The following FHOD3 variants were observed in gnomAD, a reference collection of about 807,000 sequenced individuals.
FHOD3 encodes FH1/FH2 domain-containing protein 3.
A neutral mutation model predicts 173.0 loss-of-function variants in FHOD3; 90 were observed. The observed-to-expected ratio is 0.52, with a 90% CI of 0.44 to 0.62. The LOEUF is 0.62. Among genes scored for constraint, FHOD3 ranks in the 20% least tolerant of loss-of-function variants. The probability of loss-of-function intolerance (pLI) is 0.00; values close to 1 mark genes in which losing one functional copy is unlikely to be tolerated. For missense variants in FHOD3, 1,945 were observed against 2,034.7 expected (o/e 0.96, Z 0.85); for synonymous variants, 828 against 823.0 (o/e 1.01, Z -0.10).
intron 5 of FHOD3, among the ~76,000 whole-genome samples, chr18:36,551,713 A>G (rs1177899970): frequency 6.6e-6 from 1 of 152,186 alleles, no homozygotes; most frequent in East Asian, 1.9e-4. Flanking sequence ...CTTTCTGCAT[A>G]TGGCTAGCCA....
intron 3 of FHOD3, among the ~76,000 whole-genome samples, chr18:36,500,291 C>T (rs1199893295): frequency 6.6e-6 from 1 of 152,220 alleles, no homozygotes; most frequent in Non-Finnish European, 1.5e-5. Context: ...CAAGCAAATA[C>T]TGAGCTTTAC....
At chr18:36,555,310 T>G (rs2057830658) in intron 5 of FHOD3, among the ~76,000 whole-genome samples, 2 of 152,116 alleles carry the variant, frequency 1.3e-5, no homozygotes, top group South Asian at 4.1e-4. Context: ...TAGAAGTGTG[T>G]TACTTACAAA....
chr18:36,599,246 T>C (rs979364549), intron 7 of FHOD3, among the ~76,000 whole-genome samples: 1 of 152,340 alleles, frequency 6.6e-6, no homozygotes, highest in South Asian at 2.1e-4. Context: ...AGAGGATAAC[T>C]CATGTTGAAA....
intron 21 of FHOD3, among the ~76,000 whole-genome samples, chr18:36,742,158 G>C (rs2041932658): frequency 6.6e-6 from 1 of 152,154 alleles, no homozygotes; most frequent in South Asian, 2.1e-4. Flanking sequence ...CAGAATAACA[G>C]CAGTGAGGGT....
intron 5 of FHOD3, among the ~76,000 whole-genome samples, chr18:36,575,229 C>T (rs1474779361): frequency 6.6e-6 from 1 of 152,186 alleles, no homozygotes; most frequent in African/African-American, 2.4e-5. Context: ...CCTTGGCCTC[C>T]CAAAGTGTTG....
intron 14 of FHOD3, among the ~76,000 whole-genome samples, chr18:36,665,046 T>G (rs1356956447): frequency 6.6e-6 from 1 of 152,110 alleles, no homozygotes; most frequent in Non-Finnish European, 1.5e-5. Flanking sequence ...TGAGCTAAGG[T>G]CATGCCACTG....
chr18:36,487,359 G>A (rs992355660), intron 3 of FHOD3, among the ~76,000 whole-genome samples: 7 of 152,246 alleles, frequency 4.6e-5, no homozygotes, highest in South Asian at 2.1e-4. Flanking sequence ...CATGCAAAAC[G>A]TAGCCAAGAG....
rs1179605181 is a variant in FHOD3 at position 36,525,675 on chromosome 18, G to A, written c.511+13132G>A. 2.0e-5 allele frequency among the ~76,000 whole-genome samples: 3 copies of A among 152,296 alleles called. No homozygotes were observed. The South Asian group carries it at 6.2e-4, about 32-fold the overall frequency. ...GGGAATCAGGGAAGATATCATGAGG[G>A]CAGCAACCTTTTACTGTCTTTCTGG... is the stretch of plus-strand genomic sequence containing the variant. On this transcript the variant is annotated intron_variant, in intron 5 of 28. Transcript: ENST00000590592.
Position 36,430,943 on chromosome 18 carries a change from C to T in FHOD3, c.337+58199C>T, listed in dbSNP as rs1316312841. 3.9e-5 allele frequency among the ~76,000 whole-genome samples: 6 copies of T among 152,182 alleles called. No homozygotes were observed. The East Asian group carries it at 1.2e-3, about 29-fold the overall frequency. On this transcript the variant is annotated intron_variant, in intron 3 of 28. Coordinates refer to ENST00000590592, the MANE Select transcript of FHOD3 (RefSeq NM_001281740.3). ...GTTTTCATTAAAAAAAAATCAGTGT[C>T]CTCTGTCTAGAGGGCATACTCAATA...
chr18:36,347,021 G>A (rs1282048511), intron 1 of FHOD3, among the ~76,000 whole-genome samples: 2 of 152,200 alleles, frequency 1.3e-5, no homozygotes, highest in Non-Finnish European at 2.9e-5. Flanking sequence ...GCTGTTGGGT[G>A]ATCAGGACAC....
At chr18:36,771,736 G>T (rs1363229584) in intron 28 of FHOD3, among the ~76,000 whole-genome samples, 2 of 152,210 alleles carry the variant, frequency 1.3e-5, no homozygotes, top group Non-Finnish European at 2.9e-5. Context: ...GGCTCACCAT[G>T]GGGAGGAGCT....
At chr18:36,388,700 G>C (rs1012752340) in intron 3 of FHOD3, among the ~76,000 whole-genome samples, 6 of 152,134 alleles carry the variant, frequency 3.9e-5, no homozygotes, top group African/African-American at 1.4e-4. Context: ...GCAGAGCCCA[G>C]GCACACGTTG....
chr18:36,538,115 G>A (rs571443728), intron 5 of FHOD3, among the ~76,000 whole-genome samples: 27 of 152,282 alleles, frequency 1.8e-4, no homozygotes, highest in African/African-American at 5.8e-4. Flanking sequence ...CAAACAGGAA[G>A]TCTCCAGAGG....
intron 7 of FHOD3, 138 bp from the exon 8 acceptor site, chr18:36,602,536 A>G: frequency 1.4e-6 from 1 of 720,556 alleles, no homozygotes; most frequent in Non-Finnish European, 2.5e-6. Flanking sequence ...CATCCTAAGG[A>G]TAATGTCACA....
At chr18:36,425,864 G>A (rs1478141801) in intron 3 of FHOD3, among the ~76,000 whole-genome samples, 1 of 151,666 alleles carries the variant, frequency 6.6e-6, no homozygotes, top group Non-Finnish European at 1.5e-5. Context: ...ACTTTGTGCT[G>A]CAACTCTGGG....
rs374688382 is a variant in FHOD3 at position 36,717,960 on chromosome 18, G to C, written c.2662G>C (p.Gly888Arg). The change falls in exon 19 of 29, where the codon GGG becomes CGG. Residue 888 changes from glycine (G) to arginine (R), a missense_variant. Gly to Arg is a moderately radical substitution (Grantham distance 125). Transcript: ENST00000590592. ...NRKSPDDEEK[G>R]DGEAGRTQQE... ...GAAGTCTCCGGATGATGAGGAGAAG[G>C]GGGATGGGGAGGCTGGGAGGACCCA... is the stretch of plus-strand genomic sequence containing the variant. The C allele has an allele frequency of 3.1e-5, 50 of 1,613,934 alleles. No individual in the cohort carries two copies. The highest frequency in any genetic ancestry group is 4.2e-5 in the Non-Finnish European group (50 of 1,179,986).
intron 1 of FHOD3, among the ~76,000 whole-genome samples, chr18:36,355,183 A>G (rs889639858): frequency 6.6e-6 from 1 of 152,172 alleles, no homozygotes; most frequent in Non-Finnish European, 1.5e-5. Flanking sequence ...CTGTGACTCA[A>G]TCCATGGTCA....
rs183845475 is a variant in FHOD3, at chr18:36,340,811, G to T, written c.166-14728G>T. Reference sequence around the variant, plus strand: ...ACCACCACGCCCGGCTAATTTTTTTGTATTTTTAGTAGAGACAGGGTTTCA... The same window carrying T: ...ACCACCACGCCCGGCTAATTTTTTTTTATTTTTAGTAGAGACAGGGTTTCA... On this transcript the variant is annotated intron_variant, in intron 1 of 28. Coordinates refer to ENST00000590592, the MANE Select transcript of FHOD3 (RefSeq NM_001281740.3). Among the ~76,000 whole-genome samples the T allele has an allele frequency of 7.1e-3, 1,082 of 151,660 alleles. 12 individuals are homozygous for T. The highest frequency in any genetic ancestry group is 0.025 in the African/African-American group (1,043 of 41,312).
chr18:36,316,880 C>G (rs978342710), intron 1 of FHOD3, among the ~76,000 whole-genome samples: 34 of 152,208 alleles, frequency 2.2e-4, no homozygotes, highest in African/African-American at 8.0e-4. Context: ...ACAGCCCCCC[C>G]ACCCCCTGAC....
Sources: allele counts gnomAD v4.1 joint callset (sites outside exome capture counted in the v4.1 genomes callset), GRCh38; gene constraint gnomAD v4.1.1; transcripts MANE v1.5; gene names NCBI Gene and HGNC (gene_info 2026-07-23, HGNC 2026-07-21).